The following TRPM7 variants were observed in gnomAD, a reference collection of about 807,000 sequenced individuals.
The protein encoded by TRPM7 is LTRPC ion channel family member 7.
In TRPM7, 134 loss-of-function variants were observed where a neutral mutation model predicts 229.7. The ratio of observed to expected loss-of-function variants is 0.58; its 90% confidence interval spans 0.51 to 0.67. The LOEUF is 0.67. TRPM7 is among the 30% of genes least tolerant of loss of function. TRPM7 has a pLI of 0.00. For synonymous variants in TRPM7, 699 were observed against 715.2 expected, an observed-to-expected ratio of 0.98 and a Z score of 0.36; for missense variants, 1,901 against 2,210.0, an observed-to-expected ratio of 0.86 and a Z score of 2.80.
chr15:50,671,650 GT>G (rs201895962), intron 1 of TRPM7, among the ~76,000 whole-genome samples: 3,072 of 138,816 alleles, frequency 0.022, 121 homozygotes, highest in African/African-American at 0.078. Context: ...CGCTACAAAA[GT>G]TTTTTTTAAT....
intron 2 of TRPM7, 36 bp from the exon 3 acceptor site, chr15:50,657,855 G>A: frequency 6.4e-7 from 1 of 1,564,796 alleles, no homozygotes; most frequent in Non-Finnish European, 8.7e-7. Context: ...ATTATTTCAG[G>A]TGAAAAACTT....
intron 2 of TRPM7, among the ~76,000 whole-genome samples, chr15:50,658,385 C>G (rs2061636842): frequency 6.6e-6 from 1 of 150,504 alleles, no homozygotes; most frequent in Non-Finnish European, 1.5e-5. Flanking sequence ...TCAGCCTGGG[C>G]AACAAAGCGA....
In TRPM7 at chr15:50,592,392, A is replaced by G; in HGVS notation, c.3843T>C (p.Asp1281=). The change falls in exon 26 of 39, where the codon GAT becomes GAC. Residue 1281 remains aspartate, a synonymous_variant. Transcript: ENST00000646667. The part of the protein sequence containing the change: ...SKHLAQNLID[D]GPVRPSVWKK... The stretch of plus-strand genomic sequence containing the variant: ...TCCATACAGAAGGTCTTACAGGACC[A>G]TCATCAATAAGGTTTTGAGCCAAGT... The G allele has an allele frequency of 1.9e-6, 3 of 1,614,214 alleles. No homozygotes were observed. Among genetic ancestry groups the G allele is most frequent in the Non-Finnish European group, 2.5e-6 (3 of 1,180,032 alleles).
chr15:50,685,411 CGCG>C (rs1466232347), intron 1 of TRPM7, among the ~76,000 whole-genome samples: 1 of 152,176 alleles, frequency 6.6e-6, no homozygotes, highest in African/African-American at 2.4e-5. Context: ...GAGCGGAGAT[CGCG>C]CCACTTCACT....
intron 26 of TRPM7, among the ~76,000 whole-genome samples, chr15:50,591,387 G>A (rs117369713): frequency 6.6e-6 from 1 of 151,978 alleles, no homozygotes; most frequent in East Asian, 1.9e-4. Context: ...CCCAATTGAA[G>A]ATATTCAAAT....
At chr15:50,625,555 G>A (rs927890262) in intron 11 of TRPM7, among the ~76,000 whole-genome samples, 49 of 152,004 alleles carry the variant, frequency 3.2e-4, no homozygotes, top group African/African-American at 1.2e-3. Flanking sequence ...AACTACAGGT[G>A]TGTACCCCTG....
chr15:50,559,511 C>T lies in TRPM7; in HGVS notation c.*2167G>A, dbSNP rs547502218. The T allele has an allele frequency of 1.3e-5, 2 of 150,956 alleles. No homozygotes were observed. The highest frequency in any genetic ancestry group is 1.9e-4 in the East Asian group (1 of 5,148). The allele number at this position is 150,956 out of a possible 1,614,324, so 9.4% of individuals were successfully genotyped here. ...CCCCACCAAGACAAACAAAACAAAACAAAACAAAACAAAACAAAACAAAAA... is the reference window on the plus strand; with the variant it reads ...CCCCACCAAGACAAACAAAACAAAATAAAACAAAACAAAACAAAACAAAAA... On this transcript the variant is annotated 3_prime_UTR_variant, in exon 39 of 39. Transcript: ENST00000646667.
At chr15:50,596,890 A>C (rs1453577564) in intron 22 of TRPM7, among the ~76,000 whole-genome samples, 1 of 152,176 alleles carries the variant, frequency 6.6e-6, no homozygotes, top group African/African-American at 2.4e-5. Flanking sequence ...AGCTGGGACA[A>C]CAGGCATGCG....
chr15:50,685,782 C>T (rs899021922), intron 1 of TRPM7, among the ~76,000 whole-genome samples: 2 of 152,134 alleles, frequency 1.3e-5, no homozygotes, highest in African/African-American at 4.8e-5. Context: ...GCACCGCCTC[C>T]CTCTCTCCAT....
chr15:50,612,471 C>A (rs748647050), intron 16 of TRPM7, 78 bp downstream of exon 16: 2 of 1,239,698 alleles, frequency 1.6e-6, no homozygotes, highest in Non-Finnish European at 1.1e-6. Flanking sequence ...CCATTAAGTA[C>A]GTGGCACTGT....
chr15:50,673,717 T>C (rs1230346551), intron 1 of TRPM7, among the ~76,000 whole-genome samples: 1 of 152,208 alleles, frequency 6.6e-6, no homozygotes, highest in Non-Finnish European at 1.5e-5. Flanking sequence ...TTTGCAATTA[T>C]GAATTACGCT....
intron 1 of TRPM7, among the ~76,000 whole-genome samples, chr15:50,682,172 T>TAAAAAAAAAA (rs2062254383): frequency 6.9e-5 from 1 of 14,404 alleles, no homozygotes; most frequent in Non-Finnish European, 1.3e-4. Context: ...AAACTCAGTC[T>TAAAAAAAAAA]CAAAAAAAAA....
chr15:50,671,079 T>C (rs2061979059), intron 1 of TRPM7, among the ~76,000 whole-genome samples: 1 of 152,196 alleles, frequency 6.6e-6, no homozygotes, highest in Admixed American at 6.5e-5. Flanking sequence ...CCACTTAAAA[T>C]ATACTCTTAG....
intron 31 of TRPM7, among the ~76,000 whole-genome samples, chr15:50,578,024 C>G (rs540053843): frequency 2.6e-5 from 4 of 152,090 alleles, no homozygotes; most frequent in African/African-American, 9.7e-5. Context: ...CACTCACACA[C>G]GCACATACAC....
chr15:50,605,738 T>C (rs1320321395), intron 20 of TRPM7, among the ~76,000 whole-genome samples: 2 of 152,206 alleles, frequency 1.3e-5, no homozygotes, highest in African/African-American at 2.4e-5. Flanking sequence ...TACTGTCTCA[T>C]GAACACTTGC....
rs117702683 is a variant in TRPM7 at position 50,561,216 on chromosome 15, T to C, written c.*462A>G. On this transcript the variant is annotated 3_prime_UTR_variant, in exon 39 of 39. Coordinates refer to ENST00000646667, the MANE Select transcript of TRPM7 (RefSeq NM_017672.6). ...AGTTGGGAACCAGTGATATCATCAC[T>C]GAACACACTAAATACACTGAGGAAA... 0.011 allele frequency: 1,734 copies of C among 154,428 alleles called. 20 individuals are homozygous for C. The highest frequency in any genetic ancestry group is 0.019 in the Admixed American group (292 of 15,368). 9.6% of individuals were successfully genotyped at this position (154,428 alleles called of 1,614,324 possible).
chr15:50,578,540 G>T, intron 31 of TRPM7, 99 bp downstream of exon 31: 1 of 1,186,886 alleles, frequency 8.4e-7, no homozygotes, highest in Non-Finnish European at 1.2e-6. Flanking sequence ...TTTCTAGCTT[G>T]AAGTCTAAAA....
chr15:50,605,656 T>C lies in TRPM7; in HGVS notation c.2710-512A>G, dbSNP rs112053296. Among the ~76,000 whole-genome samples, 202 of 152,354 alleles carry C rather than the reference T, an allele frequency of 1.3e-3. 1 individual carries two copies. The highest frequency in any genetic ancestry group is 4.7e-3 in the African/African-American group (197 of 41,570). On this transcript the variant is annotated intron_variant, in intron 20 of 38. Transcript: ENST00000646667. ...AAAATTCATGGTGTATCATAAATAC[T>C]GCAAAGCATCCGTTTCACTCTTCTC...
chr15:50,608,079 GAAAGA>G (rs1322710575), intron 19 of TRPM7, among the ~76,000 whole-genome samples: 1 of 145,558 alleles, frequency 6.9e-6, no homozygotes, highest in African/African-American at 2.5e-5. Context: ...AAGAAAGAAA[GAAAGA>G]AAAGAAAAGA....
Sources: gnomAD v4.1 joint callset for allele counts (sites outside exome capture counted in the v4.1 genomes callset) on GRCh38, gnomAD v4.1.1 for gene constraint, MANE v1.5 for transcripts, NCBI Gene and HGNC (gene_info 2026-07-23, HGNC 2026-07-21) for gene names.